Variants in TMEM233 observed in about 807,000 individuals in gnomAD.
TMEM233 encodes transmembrane protein 233.
A neutral mutation model predicts 11.2 loss-of-function variants in TMEM233; 6 were observed. The observed-to-expected ratio is 0.54, with a 90% CI of 0.29 to 1.06. The LOEUF (loss-of-function observed/expected upper bound fraction) is 1.06, where lower values mean the gene tolerates loss of function less well. Ranked by LOEUF, TMEM233 falls within the 50% of genes least tolerant of loss-of-function variation. The pLI is 0.08. For missense variants in TMEM233, 127 were observed against 144.7 expected (o/e 0.88, Z 0.63); for synonymous variants, 59 against 55.8 (o/e 1.06, Z -0.26).
intron 2 of TMEM233, among the ~76,000 whole-genome samples, chr12:119,637,098 T>C (rs1354080850): frequency 6.6e-6 from 1 of 152,236 alleles, no homozygotes; most frequent in African/African-American, 2.4e-5. Context: ...TCATGATCAT[T>C]GAGCGGGGCG....
downstream of TMEM233, among the ~76,000 whole-genome samples, chr12:119,647,064 T>G (rs1388223884): frequency 6.6e-6 from 1 of 151,618 alleles, no homozygotes; most frequent in Non-Finnish European, 1.5e-5. Flanking sequence ...ACTCAAACTT[T>G]CTTTTTTTTT....
At chr12:119,632,051 C>G (rs1168861480) in intron 2 of TMEM233, among the ~76,000 whole-genome samples, 1 of 152,140 alleles carries the variant, frequency 6.6e-6, no homozygotes, top group Non-Finnish European at 1.5e-5. Context: ...TGAGACCAAG[C>G]CTTGGCTTGA....
At chr12:119,643,866 C>G (rs114232470), downstream of TMEM233, among the ~76,000 whole-genome samples, 685 of 152,230 alleles carry the variant, frequency 4.5e-3, 3 homozygotes, top group African/African-American at 0.016. Context: ...TTTACCCTCA[C>G]AAGACGGAAA....
At chr12:119,621,585 A>G (rs1374872833) in intron 1 of TMEM233, among the ~76,000 whole-genome samples, 1 of 152,198 alleles carries the variant, frequency 6.6e-6, no homozygotes, top group Non-Finnish European at 1.5e-5. Context: ...CCACGTGACT[A>G]TGGACAAATT....
At chr12:119,604,264 G>T (rs1954221263) in intron 1 of TMEM233, among the ~76,000 whole-genome samples, 1 of 152,220 alleles carries the variant, frequency 6.6e-6, no homozygotes, top group Admixed American at 6.5e-5. Flanking sequence ...AGGTACAGGT[G>T]CAGGAGAGGA....
Position 119,626,569 on chromosome 12 carries a change from GAGAAGAGAAGAGAAGAGAAGAGAAGAGAA to G in TMEM233, c.187-3165_187-3137del, listed in dbSNP as rs1424525331. ...GAGAAGAGAAGAGAAGAGAAGAGAA[GAGAAGAGAAGAGAAGAGAAGAGAAGAGAA>G]AAAAGAAAAGAAAAGAAAACTACAC... On this transcript the variant is annotated intron_variant, in intron 1 of 2. Coordinates refer to ENST00000426426, the MANE Select transcript of TMEM233 (RefSeq NM_001136534.3). Among the ~76,000 whole-genome samples the G allele has an allele frequency of 4.3e-3, 629 of 144,686 alleles. 13 individuals carry two copies. Among genetic ancestry groups the G allele is most frequent in the African/African-American group, 0.016 (596 of 37,062 alleles). 94.9% of individuals were successfully genotyped at this position (144,686 alleles called of 152,430 possible). A position where few individuals can be genotyped will look rare whatever the true frequency, so the allele number is the denominator to read the frequency against.
rs1955071145 is a variant in TMEM233 at position 119,640,842 on chromosome 12, T to TCAG, written c.*137_*138insCAG. On this transcript the variant is annotated 3_prime_UTR_variant, in exon 3 of 3. Transcript: ENST00000426426. ...CCAGGACTCTCCAGAGGCAGGTCCC[T>TCAG]GGCAAATGAACAAGAAAAAAAAAAA... 1.4e-6 allele frequency: 1 copy of TCAG among 711,356 alleles called. No individual in the cohort carries two copies. Among genetic ancestry groups the TCAG allele is most frequent in the Non-Finnish European group, 1.9e-6 (1 of 513,488 alleles). The allele number at this position is 711,356 out of a possible 1,614,324, so 44.1% of individuals were successfully genotyped here. A position where few individuals can be genotyped will look rare whatever the true frequency, so the allele number is the denominator to read the frequency against.
chr12:119,640,425 G>A (rs961315781), intron 2 of TMEM233, among the ~76,000 whole-genome samples: 1 of 152,154 alleles, frequency 6.6e-6, no homozygotes, highest in African/African-American at 2.4e-5. Context: ...CAAAGTGCTG[G>A]GATTACAGGC....
In TMEM233 at chr12:119,594,024, T is replaced by A; in HGVS notation, c.176T>A (p.Phe59Tyr). The change falls in exon 1 of 3, where the codon TTT (phenylalanine) becomes TAT (tyrosine). Residue 59 changes from phenylalanine to tyrosine, a missense_variant. Physicochemically the swap from Phe to Tyr is conservative, Grantham distance 22. Transcript: ENST00000426426. The surrounding 1 kb of genome is among the most constrained non-coding windows in gnomAD (Gnocchi z 5.6). ...CCCATCAACATCGTGGCTTTGGTCTTTTCCATCATGGTGAGTGAATCACGG... is the reference window on the plus strand; with the variant it reads ...CCCATCAACATCGTGGCTTTGGTCTATTCCATCATGGTGAGTGAATCACGG... The part of the protein sequence containing the change: ...AYPINIVALV[F>Y]SIMSLNSYND... 6.4e-7 allele frequency: 1 copy of A among 1,551,616 alleles called. No homozygotes were observed. Among genetic ancestry groups the A allele is most frequent in the Non-Finnish European group, 8.7e-7 (1 of 1,146,934 alleles).
intron 1 of TMEM233, among the ~76,000 whole-genome samples, chr12:119,605,133 G>A (rs1954247106): frequency 6.6e-6 from 1 of 150,530 alleles, no homozygotes; most frequent in Non-Finnish European, 1.5e-5. Context: ...AACTTTATTT[G>A]TTCTTTGCTG....
At chr12:119,654,231 A>G in the TMEM233 span, among the ~76,000 whole-genome samples, 2 of 152,208 alleles carry the variant, frequency 1.3e-5, no homozygotes, top group African/African-American at 4.8e-5. Context: ...AAAAGGTGTC[A>G]AGCTCTAGTG....
Position 119,629,756 on chromosome 12 carries a change from T to A in TMEM233, c.207T>A (p.Asp69Glu). 1 of 1,551,256 alleles carries A rather than the reference T, an allele frequency of 6.4e-7. No homozygotes were observed. The highest frequency in any genetic ancestry group is 8.7e-7 in the Non-Finnish European group (1 of 1,146,840). Reference protein sequence around the residue: ...FSIMSLNSYNDGDYEGARRLG... With the variant: ...FSIMSLNSYNEGDYEGARRLG... ...CCCAGTCTCTGAACAGCTACAACGA[T>A]GGAGACTACGAAGGAGCCAGGCGGC... The change falls in exon 2 of 3, where the codon GAT becomes GAA. Residue 69 changes from aspartate to glutamate, a missense_variant. Transcript: ENST00000426426.
intron 1 of TMEM233, among the ~76,000 whole-genome samples, chr12:119,606,446 A>G (rs1206681979): frequency 6.6e-6 from 1 of 152,202 alleles, no homozygotes; most frequent in Non-Finnish European, 1.5e-5. Context: ...AGAATAAAAA[A>G]CATGTTCTAA....
At chr12:119,623,613 A>T (rs1049676221) in intron 1 of TMEM233, among the ~76,000 whole-genome samples, 1 of 151,836 alleles carries the variant, frequency 6.6e-6, no homozygotes, top group African/African-American at 2.4e-5. Flanking sequence ...CCAGCTACTC[A>T]GGAGGCTGAG....
At chr12:119,618,608 T>C (rs986357070) in intron 1 of TMEM233, among the ~76,000 whole-genome samples, 13 of 152,300 alleles carry the variant, frequency 8.5e-5, no homozygotes, top group African/African-American at 3.1e-4. Flanking sequence ...AAGGGGATCA[T>C]TTTGGAAATT....
Position 119,640,937 on chromosome 12 carries a change from T to G in TMEM233, c.*232T>G, listed in dbSNP as rs1955074424. The G allele has an allele frequency of 8.0e-6, 4 of 500,612 alleles. No homozygotes were observed. In the South Asian group the frequency reaches 1.5e-4, roughly 18 times the overall value. The allele number at this position is 500,612 out of a possible 1,614,324, so 31.0% of individuals were successfully genotyped here. A position where few individuals can be genotyped will look rare whatever the true frequency, so the allele number is the denominator to read the frequency against. ...AGCCAAAGTCATTGATTTGTAAAAA[T>G]GAAAAGAAAACAGAAAAAAGAAAAA... On this transcript the variant is annotated 3_prime_UTR_variant, in exon 3 of 3. Coordinates refer to ENST00000426426, the MANE Select transcript of TMEM233 (RefSeq NM_001136534.3).
chr12:119,606,243 A>T (rs2519538), intron 1 of TMEM233, among the ~76,000 whole-genome samples: 7,342 of 152,260 alleles, frequency 0.048, 202 homozygotes, highest in East Asian at 0.058. Context: ...AAAGTATCAG[A>T]CTATGTTCAG....
intron 1 of TMEM233, among the ~76,000 whole-genome samples, chr12:119,598,530 C>T (rs1173901898): frequency 6.6e-6 from 1 of 152,134 alleles, no homozygotes; most frequent in Admixed American, 6.5e-5. Context: ...CATGGCATGG[C>T]AGGACAGTAG....
intron 1 of TMEM233, among the ~76,000 whole-genome samples, chr12:119,629,172 G>T (rs1481097302): frequency 1.3e-5 from 2 of 152,252 alleles, no homozygotes; most frequent in African/African-American, 4.8e-5. Flanking sequence ...CACTCTGGGA[G>T]ACCAAGGTGG....
Sources: allele counts gnomAD v4.1 joint callset (sites outside exome capture counted in the v4.1 genomes callset), GRCh38; gene constraint gnomAD v4.1.1; non-coding constraint Gnocchi (gnomAD v3.1); transcripts MANE v1.5; gene names NCBI Gene and HGNC (gene_info 2026-07-23, HGNC 2026-07-21).